Variants in RAI14 observed in about 807,000 individuals in gnomAD.
RAI14 encodes retinoic acid induced 14.
RAI14 carries 45 observed loss-of-function variants against 115.4 expected under a neutral mutation model. That is an observed-to-expected ratio of 0.39 (90% CI 0.31 to 0.50). RAI14 has a LOEUF of 0.50. Ranked by LOEUF, RAI14 falls within the 20% of genes least tolerant of loss-of-function variation. The pLI, the probability that RAI14 is intolerant of heterozygous loss-of-function variation, is 0.85. For synonymous variants in RAI14, 371 were observed against 415.4 expected, an observed-to-expected ratio of 0.89 and a Z score of 1.30; for missense variants, 939 against 1,131.2, an observed-to-expected ratio of 0.83 and a Z score of 2.44.
At chr5:34,706,050 CAATGA>C (rs766683138) in intron 2 of RAI14, among the ~76,000 whole-genome samples, 4 of 152,168 alleles carry the variant, frequency 2.6e-5, no homozygotes, top group African/African-American at 4.8e-5. Context: ...TGGAGCATCT[CAATGA>C]AATGCATTTT....
chr5:34,674,911 T>C lies in RAI14; in HGVS notation c.-48-11961T>C, dbSNP rs1226495273. 1.5e-4 allele frequency among the ~76,000 whole-genome samples: 22 copies of C among 142,368 alleles called. No individual in the cohort carries two copies. The East Asian group carries it at 2.6e-3, about 17-fold the overall frequency. The allele number at this position is 142,368 out of a possible 152,430, so 93.4% of individuals were successfully genotyped here. ...GACTTCATTGGATTTTTTTTTTTTT[T>C]TTTTGAGACTGAGTCTCGCTTTGTC... On this transcript the variant is annotated intron_variant, in intron 1 of 17. Coordinates refer to ENST00000265109, the MANE Select transcript of RAI14 (RefSeq NM_015577.3).
intron 13 of RAI14, among the ~76,000 whole-genome samples, chr5:34,819,474 A>G (rs539261876): frequency 6.6e-6 from 1 of 152,264 alleles, no homozygotes; most frequent in East Asian, 1.9e-4. Flanking sequence ...TAACTTTTCT[A>G]CTTTGGATTT....
intron 2 of RAI14, among the ~76,000 whole-genome samples, chr5:34,741,738 G>C (rs989229912): frequency 6.6e-6 from 1 of 152,134 alleles, no homozygotes; most frequent in Admixed American, 6.5e-5. Flanking sequence ...ACCATGGACA[G>C]CCACGGATGG....
At chr5:34,687,230 A>G (rs1032908209) in intron 2 of RAI14, among the ~76,000 whole-genome samples, 16 of 152,312 alleles carry the variant, frequency 1.1e-4, no homozygotes, top group African/African-American at 3.9e-4. Context: ...AAACATCTTC[A>G]AAGGAAGAAT....
intron 2 of RAI14, among the ~76,000 whole-genome samples, chr5:34,692,177 C>A (rs368835392): frequency 1.3e-5 from 2 of 152,098 alleles, no homozygotes; most frequent in Admixed American, 1.3e-4. Flanking sequence ...GCAGGAGAAT[C>A]GCTTGAACCC....
At chr5:34,777,170 G>GACA (rs774795618) in intron 3 of RAI14, among the ~76,000 whole-genome samples, 2 of 151,984 alleles carry the variant, frequency 1.3e-5, no homozygotes, top group Admixed American at 6.6e-5. Flanking sequence ...TATCTCAAGA[G>GACA]ACAACAACAA....
rs574066804 is a variant in RAI14 at position 34,832,464 on chromosome 5, C to T, written c.*1699C>T. 3 of 152,688 alleles carry T rather than the reference C, an allele frequency of 2.0e-5. No homozygotes were observed. Among genetic ancestry groups the T allele is most frequent in the African/African-American group, 7.2e-5 (3 of 41,548 alleles). 9.5% of individuals were successfully genotyped at this position (152,688 alleles called of 1,614,324 possible). ...TGAGACATTTTTGTAGGATGCCTGA[C>T]GAGGTGTAGCCTTTTATCTTGTTTC... is the stretch of plus-strand genomic sequence containing the variant. On this transcript the variant is annotated 3_prime_UTR_variant, in exon 18 of 18. Coordinates refer to ENST00000265109, the MANE Select transcript of RAI14 (RefSeq NM_015577.3).
At chr5:34,710,884 T>C (rs2149962974) in intron 2 of RAI14, among the ~76,000 whole-genome samples, 1 of 152,358 alleles carries the variant, frequency 6.6e-6, no homozygotes, top group East Asian at 1.9e-4. Flanking sequence ...ATATCTTTCC[T>C]CTCCTTTCTT....
chr5:34,725,637 A>G (rs1743349299), intron 2 of RAI14, among the ~76,000 whole-genome samples: 1 of 151,940 alleles, frequency 6.6e-6, no homozygotes. Context: ...ACTGAACATG[A>G]AGAATACGTC....
intron 3 of RAI14, among the ~76,000 whole-genome samples, chr5:34,792,479 C>G (rs1485937995): frequency 6.6e-6 from 1 of 152,086 alleles, no homozygotes; most frequent in East Asian, 1.9e-4. Flanking sequence ...CGTGATCCGC[C>G]CACCTCGGCC....
intron 2 of RAI14, among the ~76,000 whole-genome samples, chr5:34,752,703 A>ATG (rs71600953): frequency 0.063 from 5,241 of 82,702 alleles, 169 homozygotes; most frequent in Non-Finnish European, 0.082. Context: ...TCTTACATAT[A>ATG]TGTGTGTGTG....
intron 2 of RAI14, among the ~76,000 whole-genome samples, chr5:34,711,728 C>T (rs188281203): frequency 4.6e-5 from 7 of 152,254 alleles, no homozygotes; most frequent in Admixed American, 3.3e-4. Flanking sequence ...CACCAGACAC[C>T]GACTCTGACG....
chr5:34,780,384 A>G (rs1425026921), intron 3 of RAI14, among the ~76,000 whole-genome samples: 1 of 152,210 alleles, frequency 6.6e-6, no homozygotes, highest in Non-Finnish European at 1.5e-5. Flanking sequence ...GGATTAATTA[A>G]ACTAAAGAGC....
intron 2 of RAI14, among the ~76,000 whole-genome samples, chr5:34,729,905 G>A (rs1054880356): frequency 3.9e-5 from 6 of 152,102 alleles, no homozygotes; most frequent in Admixed American, 6.5e-5. Context: ...GATGTATTAA[G>A]GCACTAGTAT....
chr5:34,811,093 G>A lies in RAI14; in HGVS notation c.532G>A (p.Val178Ile). ...CTTTCTCCTGGATCATGGAGCAGAT[G>A]TCAATTCCAGGAACAAAAGTGGAAG... ...CHFLLDHGAD[V>I]NSRNKSGRTA... Residue 178 changes from valine to isoleucine, a missense_variant, in exon 8 of 18, where the codon GTC (valine) becomes ATC (isoleucine). Physicochemically the swap from Val to Ile is conservative, Grantham distance 29. Transcript: ENST00000265109. 1 of 1,614,084 alleles carries A rather than the reference G, an allele frequency of 6.2e-7. No homozygotes were observed. The highest frequency in any genetic ancestry group is 8.5e-7 in the Non-Finnish European group (1 of 1,180,016).
In RAI14 at chr5:34,795,946, C is replaced by G. The variant is rs755270189; in HGVS notation, c.175C>G (p.Leu59Val). 1.2e-6 allele frequency: 2 copies of G among 1,612,572 alleles called. No homozygotes were observed. The highest frequency in any genetic ancestry group is 1.7e-6 in the Non-Finnish European group (2 of 1,178,840). ...GTTTACTTCTCTTTCCAGTTTCCAT[C>G]TTGCTGCTGCAAAAGGACACGTGGA... is the stretch of plus-strand genomic sequence containing the variant. ...HDSEGKTAFH[L>V]AAAKGHVECL... The change falls in exon 4 of 18, where the codon CTT becomes GTT. Residue 59 changes from leucine (L) to valine (V), a missense_variant. Coordinates refer to ENST00000265109, the MANE Select transcript of RAI14 (RefSeq NM_015577.3).
At chr5:34,744,846 G>A (rs66525281) in intron 2 of RAI14, among the ~76,000 whole-genome samples, 19,688 of 152,166 alleles carry the variant, frequency 0.13, 1,337 homozygotes, top group South Asian at 0.2. Flanking sequence ...GCATTGGCAA[G>A]GCCATGCTCC....
chr5:34,676,839 A>T (rs1744015615), intron 1 of RAI14, among the ~76,000 whole-genome samples: 2 of 152,214 alleles, frequency 1.3e-5, no homozygotes, highest in South Asian at 2.1e-4. Context: ...ATGGTTTAAA[A>T]AGAATGTGCT....
intron 2 of RAI14, among the ~76,000 whole-genome samples, chr5:34,706,634 G>C (rs942015551): frequency 1.3e-5 from 2 of 152,164 alleles, no homozygotes; most frequent in Admixed American, 6.5e-5. Flanking sequence ...TGATTATACT[G>C]TATCACAGGA....
Sources: allele counts gnomAD v4.1 joint callset (sites outside exome capture counted in the v4.1 genomes callset), GRCh38; gene constraint gnomAD v4.1.1; transcripts MANE v1.5; gene names NCBI Gene and HGNC (gene_info 2026-07-23, HGNC 2026-07-21).